The following LSP1 variants were observed in gnomAD, a reference collection of about 807,000 sequenced individuals.
LSP1 encodes lymphocyte specific protein 1.
In LSP1, 32 loss-of-function variants were observed where a neutral mutation model predicts 49.3. The ratio of observed to expected loss-of-function variants is 0.65; its 90% CI spans 0.49 to 0.87. LSP1 has a LOEUF of 0.87. LSP1 is among the 40% of genes least tolerant of loss of function. The pLI, the probability that LSP1 is intolerant of heterozygous loss-of-function variation, is 0.00. For missense variants in LSP1, 428 were observed against 442.6 expected, an observed-to-expected ratio of 0.97 and a Z score of 0.30; for synonymous variants, 179 against 178.8, an observed-to-expected ratio of 1.00 and a Z score of -0.01.
chr11:1,883,345 G>A (rs1426564547), intron 3 of LSP1, 74 bp from the exon 4 acceptor site: 144 of 1,559,622 alleles, frequency 9.2e-5, no homozygotes, highest in Middle Eastern at 1.7e-4. Flanking sequence ...GGAAACTGAG[G>A]CTTGGAAAAA....
At position 1,880,124 on chromosome 11, in the gene LSP1, G is replaced by A. The variant is rs570838125; in HGVS notation, c.91G>A (p.Ala31Thr). 2 of 1,609,524 alleles carry A rather than the reference G, an allele frequency of 1.2e-6. No homozygotes were observed. The highest frequency in any genetic ancestry group is 1.7e-6 in the Non-Finnish European group (2 of 1,177,388). The change falls in exon 2 of 11, where the codon GCC (alanine) becomes ACC (threonine). Residue 31 changes from alanine (A) to threonine (T), a missense_variant. By Grantham distance (58) the Ala-to-Thr change is moderately conservative. Transcript: ENST00000311604. Reference sequence around the variant, plus strand: ...GTGGAGCGTGGAGGACGAGGAGGAGGCCGTCCACGAGCAATGCCAGCATGA... The same window carrying A: ...GTGGAGCGTGGAGGACGAGGAGGAGACCGTCCACGAGCAATGCCAGCATGA... ...AQWSVEDEEE[A>T]VHEQCQHERD...
At chr11:1,857,768 T>C (rs1177880506) in intron 1 of LSP1, among the ~76,000 whole-genome samples, 5 of 152,148 alleles carry the variant, frequency 3.3e-5, no homozygotes. Context: ...TTTATTTATT[T>C]ATTTGAGACA....
chr11:1,885,779 A>C (rs1000117247), intron 7 of LSP1, among the ~76,000 whole-genome samples: 7 of 151,564 alleles, frequency 4.6e-5, no homozygotes, highest in Non-Finnish European at 1.0e-4. Context: ...GTATTCCTCC[A>C]TCCAATCAGT....
At chr11:1,861,846 G>C (rs1437349943) in intron 1 of LSP1, among the ~76,000 whole-genome samples, 1 of 150,616 alleles carries the variant, frequency 6.6e-6, no homozygotes, top group Non-Finnish European at 1.5e-5. Flanking sequence ...TGGATGGATT[G>C]ATGAGTGGAT....
At chr11:1,869,377 A>G in intron 1 of LSP1, 1 of 312,608 alleles carries the variant, frequency 3.2e-6, no homozygotes, top group Non-Finnish European at 6.4e-6. Flanking sequence ...AGGCACGAGA[A>G]AGAAATGAGA....
At chr11:1,860,203 A>C (rs956991630) in intron 1 of LSP1, among the ~76,000 whole-genome samples, 16 of 152,218 alleles carry the variant, frequency 1.1e-4, no homozygotes, top group Admixed American at 7.9e-4. Flanking sequence ...AGTATGAATG[A>C]ATGGAAAGAT....
intron 1 of LSP1, among the ~76,000 whole-genome samples, chr11:1,873,429 GGGA>G (rs768276687): frequency 1.3e-5 from 2 of 150,954 alleles, no homozygotes; most frequent in Non-Finnish European, 1.5e-5. Context: ...TGTAAGGGCA[GGGA>G]GGAGATCTCA....
At position 1,884,107 on chromosome 11, in the gene LSP1, G is replaced by A. The variant is rs938556812; in HGVS notation, c.591+83G>A. The A allele has an allele frequency of 6.1e-6, 9 of 1,484,398 alleles. No homozygotes were observed. The highest frequency in any genetic ancestry group is 4.2e-5 in the African/African-American group (3 of 71,690). 92.0% of individuals were successfully genotyped at this position (1,484,398 alleles called of 1,614,324 possible). A position where few individuals can be genotyped will look rare whatever the true frequency, so the allele number is the denominator to read the frequency against. ...GGCCAATCCCACATGCCAGCCACAG[G>A]AAGACCAGGCCCAGGCCTGGCTTTT... is the stretch of plus-strand genomic sequence containing the variant. On this transcript the variant is annotated intron_variant, in intron 5 of 10. Transcript: ENST00000311604. The surrounding 1 kb of genome is among the most constrained non-coding windows in gnomAD (Gnocchi z 4.1).
At chr11:1,861,874 G>GGTAAA in intron 1 of LSP1, among the ~76,000 whole-genome samples, 1 of 151,340 alleles carries the variant, frequency 6.6e-6, no homozygotes, top group African/African-American at 2.4e-5. Context: ...TGGGTGGATG[G>GGTAAA]ATAGATGGAT....
chr11:1,874,907 C>T (rs1285357173), intron 1 of LSP1, among the ~76,000 whole-genome samples: 1 of 152,152 alleles, frequency 6.6e-6, no homozygotes, highest in Non-Finnish European at 1.5e-5. Context: ...GGCAACACTG[C>T]CGGCTGGGGC....
intron 1 of LSP1, among the ~76,000 whole-genome samples, chr11:1,856,930 GC>G (rs1282225869): frequency 1.3e-5 from 2 of 152,222 alleles, no homozygotes; most frequent in Non-Finnish European, 2.9e-5. Context: ...CTCAGCCCCA[GC>G]CCTAGCCCCA....
intron 1 of LSP1, chr11:1,870,277 C>A: frequency 2.3e-6 from 3 of 1,303,064 alleles, no homozygotes; most frequent in Non-Finnish European, 3.0e-6. Context: ...AGCTGAGGCT[C>A]AGGGAGGCAC....
At chr11:1,873,153 G>A (rs1001767960) in intron 1 of LSP1, among the ~76,000 whole-genome samples, 4 of 151,884 alleles carry the variant, frequency 2.6e-5, no homozygotes, top group African/African-American at 9.7e-5. Flanking sequence ...CTGGCATCTG[G>A]GATACAGGGA....
intron 1 of LSP1, chr11:1,864,385 C>A: frequency 3.2e-6 from 1 of 307,908 alleles, no homozygotes; most frequent in Non-Finnish European, 4.7e-6. Flanking sequence ...GTGCCTGGGG[C>A]AGGGGCACCA....
intron 1 of LSP1, chr11:1,865,324 C>A: frequency 1.2e-6 from 1 of 819,854 alleles, no homozygotes; most frequent in Non-Finnish European, 1.5e-6. Context: ...GCTGGGCTGC[C>A]ACATGCACCG....
intron 2 of LSP1, chr11:1,881,138 T>C: frequency 2.9e-6 from 1 of 345,736 alleles, no homozygotes; most frequent in Non-Finnish European, 5.3e-6. Context: ...GGCATAGCCC[T>C]GCCCTCAGGT....
intron 10 of LSP1, 54 bp downstream of exon 10, chr11:1,887,630 C>G: frequency 2.0e-6 from 3 of 1,478,694 alleles, no homozygotes; most frequent in Non-Finnish European, 2.8e-6. Context: ...GTGCACTGTG[C>G]TGGGAACTTG....
rs928472714 is a variant in LSP1, at chr11:1,884,082, G to C, written c.591+58G>C. ...CCCTCTCCCGTACTCATACCCAAAA[G>C]GCCAATCCCACATGCCAGCCACAGG... On this transcript the variant is annotated intron_variant, in intron 5 of 10. Transcript: ENST00000311604. This position sits in a 1 kb window ranked among gnomAD's most constrained non-coding sequence, Gnocchi z 4.1. The C allele has an allele frequency of 5.8e-6, 9 of 1,541,440 alleles. No homozygotes were observed. Among genetic ancestry groups the C allele is most frequent in the Non-Finnish European group, 6.2e-6 (7 of 1,128,174 alleles).
At chr11:1,856,723 G>A (rs1413777901) in intron 1 of LSP1, among the ~76,000 whole-genome samples, 3 of 152,226 alleles carry the variant, frequency 2.0e-5, no homozygotes, top group African/African-American at 4.8e-5. Flanking sequence ...TGAGCAGCAG[G>A]AGCCCATGGG....
Sources: allele counts gnomAD v4.1 joint callset (sites outside exome capture counted in the v4.1 genomes callset), GRCh38; gene constraint gnomAD v4.1.1; non-coding constraint Gnocchi (gnomAD v3.1); transcripts MANE v1.5; gene names NCBI Gene and HGNC (gene_info 2026-07-23, HGNC 2026-07-21).